SYNDIG1: variants seen among roughly 807,000 people sequenced by gnomAD.
The protein encoded by SYNDIG1 is synapse differentiation inducing 1.
A neutral mutation model predicts 19.4 loss-of-function variants in SYNDIG1; 9 were observed. That is an observed-to-expected ratio of 0.46 (90% CI 0.28 to 0.81). SYNDIG1 has a LOEUF of 0.81. Ranked by LOEUF, SYNDIG1 falls within the 30% of genes least tolerant of loss-of-function variation. The pLI, the probability that SYNDIG1 is intolerant of heterozygous loss-of-function variation, is 0.12. For synonymous variants in SYNDIG1, 141 were observed against 145.9 expected, an observed-to-expected ratio of 0.97 and a Z score of 0.24; for missense variants, 311 against 343.3, an observed-to-expected ratio of 0.91 and a Z score of 0.74.
rs551068373 is a variant in SYNDIG1, at chr20:24,553,824, GT to G, written c.480+10254del. 3.7e-4 allele frequency among the ~76,000 whole-genome samples: 57 copies of G among 152,260 alleles called. 1 individual carries two copies. The South Asian group carries it at 0.01, about 28-fold the overall frequency. Reference sequence around the variant, plus strand: ...TTTGGTTCATATGAACTTTAAAGTAGTTTTTTTCCAATTCTGTGAAGAAAGT... The same window carrying G: ...TTTGGTTCATATGAACTTTAAAGTAGTTTTTTCCAATTCTGTGAAGAAAGT... On this transcript the variant is annotated intron_variant, in intron 2 of 3. Transcript: ENST00000376862.
chr20:24,578,863 G>A (rs985918427), intron 2 of SYNDIG1, among the ~76,000 whole-genome samples: 1 of 152,180 alleles, frequency 6.6e-6, no homozygotes, highest in Non-Finnish European at 1.5e-5. Flanking sequence ...ACAGTGTCAG[G>A]CTTTTTATTG....
At chr20:24,585,056 G>GCGC in intron 3 of SYNDIG1, 63 bp downstream of exon 3, 2 of 545,656 alleles carry the variant, frequency 3.7e-6, no homozygotes, top group Non-Finnish European at 3.4e-6. Context: ...GGTGGGGGCG[G>GCGC]CAATCCCAGC....
At chr20:24,659,841 T>C (rs2059566358) in intron 3 of SYNDIG1, among the ~76,000 whole-genome samples, 1 of 152,262 alleles carries the variant, frequency 6.6e-6, no homozygotes, top group Admixed American at 6.5e-5. Context: ...TTACAAGTTT[T>C]ATAAAATGAG....
At chr20:24,557,125 T>C (rs1243868937) in intron 2 of SYNDIG1, among the ~76,000 whole-genome samples, 3 of 152,244 alleles carry the variant, frequency 2.0e-5, no homozygotes, top group Non-Finnish European at 4.4e-5. Context: ...GCATTCTTCA[T>C]GTAGTTCTCG....
At chr20:24,601,652 TAGAC>T (rs901028074) in intron 3 of SYNDIG1, among the ~76,000 whole-genome samples, 9 of 152,168 alleles carry the variant, frequency 5.9e-5, no homozygotes, top group African/African-American at 1.7e-4. Context: ...GATGGATGGA[TAGAC>T]AGACAGAAAG....
chr20:24,545,261 G>A (rs150141685), intron 2 of SYNDIG1, among the ~76,000 whole-genome samples: 2 of 152,174 alleles, frequency 1.3e-5, no homozygotes, highest in African/African-American at 2.4e-5. Flanking sequence ...GGACCAAGAC[G>A]TGATGCCTGG....
At position 24,658,097 on chromosome 20, in the gene SYNDIG1, G is replaced by A. The variant is rs1038047804; in HGVS notation, c.619-7249G>A. ...GCGACCTTGCCCCTAAAAACTGACT[G>A]CAGGAGAAACAATGCAGCCGGGGTA... On this transcript the variant is annotated intron_variant, in intron 3 of 3. Transcript: ENST00000376862. This position sits in a 1 kb window ranked among gnomAD's most constrained non-coding sequence, Gnocchi z 4.4. 4.6e-5 allele frequency among the ~76,000 whole-genome samples: 7 copies of A among 152,164 alleles called. No homozygotes were observed. The highest frequency in any genetic ancestry group is 1.0e-4 in the Non-Finnish European group (7 of 68,028).
rs371194668 is a variant in SYNDIG1, at chr20:24,536,734, G to A, written c.-78-6286G>A. Among the ~76,000 whole-genome samples the A allele has an allele frequency of 1.4e-4, 21 of 152,244 alleles. No individual in the cohort carries two copies. The East Asian group carries it at 2.1e-3, about 15-fold the overall frequency. On this transcript the variant is annotated intron_variant, in intron 1 of 3. Transcript: ENST00000376862. ...GCCAGCATGGTCTCAGGCCCCCCAT[G>A]TCTCGCAGGGAGGACCCTGTGATCT...
At chr20:24,546,187 T>G (rs1460955227) in intron 2 of SYNDIG1, among the ~76,000 whole-genome samples, 1 of 152,248 alleles carries the variant, frequency 6.6e-6, no homozygotes, top group African/African-American at 2.4e-5. Context: ...GCTATGGTGC[T>G]TTTCATTCCC....
intron 3 of SYNDIG1, among the ~76,000 whole-genome samples, chr20:24,585,783 A>G (rs1429203694): frequency 6.6e-6 from 1 of 152,228 alleles, no homozygotes; most frequent in Non-Finnish European, 1.5e-5. Flanking sequence ...CTGCCCAACC[A>G]AAACAGGGAG....
rs73902579 is a variant in SYNDIG1, at chr20:24,541,474, G to A, written c.-78-1546G>A. The stretch of plus-strand genomic sequence containing the variant: ...AGGGACTCAAATGCAAGGCCACAGA[G>A]GCCCCTCTTCATCCTGTCTCCTCCT... On this transcript the variant is annotated intron_variant, in intron 1 of 3. Transcript: ENST00000376862. 7.8e-3 allele frequency among the ~76,000 whole-genome samples: 1,194 copies of A among 152,274 alleles called. 16 individuals carry two copies. Among genetic ancestry groups the A allele is most frequent in the African/African-American group, 0.026 (1,100 of 41,546 alleles).
In SYNDIG1 at chr20:24,496,177, C is replaced by T. The variant is rs545852729; in HGVS notation, c.-79+26424C>T. On this transcript the variant is annotated intron_variant, in intron 1 of 3. Transcript: ENST00000376862. Reference sequence around the variant, plus strand: ...TGTTTTTAAAAACTGGGGTTGACTGCATGTTTCAGGAGCAGCAAGAGAGGG... The same window carrying T: ...TGTTTTTAAAAACTGGGGTTGACTGTATGTTTCAGGAGCAGCAAGAGAGGG... 1.9e-4 allele frequency among the ~76,000 whole-genome samples: 29 copies of T among 152,272 alleles called. No individual in the cohort carries two copies. The South Asian group carries it at 5.8e-3, about 30-fold the overall frequency.
chr20:24,514,783 C>T (rs1306178256), intron 1 of SYNDIG1, among the ~76,000 whole-genome samples: 1 of 152,212 alleles, frequency 6.6e-6, no homozygotes, highest in Non-Finnish European at 1.5e-5. Flanking sequence ...ACCTAATAGA[C>T]ATCTACAGAA....
intron 1 of SYNDIG1, among the ~76,000 whole-genome samples, chr20:24,490,821 AGAG>A (rs1168812838): frequency 1.3e-5 from 2 of 152,242 alleles, no homozygotes; most frequent in Non-Finnish European, 2.9e-5. Flanking sequence ...AGGGCAGCAC[AGAG>A]GAGGGCAGGC....
In SYNDIG1 at chr20:24,665,553, G is replaced by C; in HGVS notation, c.*49G>C. 1 of 1,608,572 alleles carries C rather than the reference G, an allele frequency of 6.2e-7. No individual in the cohort carries two copies. Among genetic ancestry groups the C allele is most frequent in the Non-Finnish European group, 8.5e-7 (1 of 1,178,432 alleles). On this transcript the variant is annotated 3_prime_UTR_variant, in exon 4 of 4. Transcript: ENST00000376862. Reference sequence around the variant, plus strand: ...CACCCGGGGCCAGGTCTGTGTGGACGTGGAGGAAGCAGGCATACCGCATGA... The same window carrying C: ...CACCCGGGGCCAGGTCTGTGTGGACCTGGAGGAAGCAGGCATACCGCATGA...
chr20:24,592,882 G>A (rs1414781889), intron 3 of SYNDIG1, among the ~76,000 whole-genome samples: 1 of 152,106 alleles, frequency 6.6e-6, no homozygotes, highest in East Asian at 1.9e-4. Flanking sequence ...CAAAGTGCTG[G>A]GATTACAGGT....
intron 3 of SYNDIG1, among the ~76,000 whole-genome samples, chr20:24,599,701 A>C (rs1600716638): frequency 6.6e-6 from 1 of 152,212 alleles, no homozygotes; most frequent in East Asian, 1.9e-4. Flanking sequence ...ATGGAACTGG[A>C]GATTATTAAG....
intron 1 of SYNDIG1, among the ~76,000 whole-genome samples, chr20:24,539,395 C>G (rs1325122681): frequency 6.6e-6 from 1 of 152,144 alleles, no homozygotes; most frequent in African/African-American, 2.4e-5. Flanking sequence ...TGTTAAAAAT[C>G]ATTTGATTGT....
At chr20:24,533,265 C>T (rs541129428) in intron 1 of SYNDIG1, among the ~76,000 whole-genome samples, 1 of 152,248 alleles carries the variant, frequency 6.6e-6, no homozygotes, top group South Asian at 2.1e-4. Flanking sequence ...GGCACATTAC[C>T]TTCCTCCTTG....
Sources: gnomAD v4.1 joint callset for allele counts (sites outside exome capture counted in the v4.1 genomes callset) on GRCh38, gnomAD v4.1.1 for gene constraint, Gnocchi (gnomAD v3.1) non-coding constraint, MANE v1.5 for transcripts, NCBI Gene and HGNC (gene_info 2026-07-23, HGNC 2026-07-21) for gene names.